Variants in TENM4 observed in about 807,000 individuals in gnomAD.
TENM4 encodes the protein teneurin transmembrane protein 4.
A neutral mutation model predicts 243.3 loss-of-function variants in TENM4; 82 were observed. The observed-to-expected ratio is 0.34, with a 90% CI of 0.28 to 0.40. The LOEUF is 0.40. Ranked by LOEUF, TENM4 falls within the 10% of genes least tolerant of loss-of-function variation. The pLI is 1.00. For missense variants in TENM4, 3,138 were observed against 3,673.3 expected, an observed-to-expected ratio of 0.85 and a Z score of 3.77; for synonymous variants, 1,412 against 1,456.3, an observed-to-expected ratio of 0.97 and a Z score of 0.69.
chr11:79,369,976 C>T (rs1857750312), intron 1 of TENM4, among the ~76,000 whole-genome samples: 2 of 152,162 alleles, frequency 1.3e-5, no homozygotes, highest in Admixed American at 6.5e-5. Context: ...CCTGGGTCTC[C>T]AGCCCACAAA....
At chr11:79,119,130 T>G (rs1861684224) in intron 4 of TENM4, among the ~76,000 whole-genome samples, 1 of 152,184 alleles carries the variant, frequency 6.6e-6, no homozygotes, top group Admixed American at 6.5e-5. Flanking sequence ...CCTCACTAAA[T>G]AGCAGTTCCC....
intron 9 of TENM4, among the ~76,000 whole-genome samples, chr11:78,884,124 C>G (rs946363922): frequency 6.6e-6 from 1 of 152,326 alleles, no homozygotes; most frequent in East Asian, 1.9e-4. Context: ...CACCCCAACC[C>G]TGTGAAGTAA....
At chr11:79,380,322 GA>G (rs747498641) in intron 1 of TENM4, among the ~76,000 whole-genome samples, 1 of 151,358 alleles carries the variant, frequency 6.6e-6, no homozygotes, top group African/African-American at 2.4e-5. Flanking sequence ...AAAAAAAAAA[GA>G]AGAGAGGAAG....
In TENM4 at chr11:78,656,385, A is replaced by G. The variant is rs1353577764; in HGVS notation, c.*1673T>C. On this transcript the variant is annotated 3_prime_UTR_variant, in exon 34 of 34. Coordinates refer to ENST00000278550, the MANE Select transcript of TENM4 (RefSeq NM_001098816.3). The stretch of plus-strand genomic sequence containing the variant: ...AAGGAAGCATTTGGCTTCCCCTCCC[A>G]TCTCCCAGAGCCTCCTGTGAGTGGT... 6.6e-6 allele frequency: 1 copy of G among 152,186 alleles called. No individual in the cohort carries two copies. The highest frequency in any genetic ancestry group is 1.5e-5 in the Non-Finnish European group (1 of 68,028). The allele number at this position is 152,186 out of a possible 1,614,324, so 9.4% of individuals were successfully genotyped here.
intron 6 of TENM4, among the ~76,000 whole-genome samples, chr11:78,909,997 G>GGCA (rs1452285894): frequency 6.6e-6 from 1 of 152,184 alleles, no homozygotes. Context: ...CTAGACTGAT[G>GGCA]GCAGGGTGCC....
chr11:78,997,240 G>T (rs1858198599), intron 6 of TENM4, among the ~76,000 whole-genome samples: 1 of 152,174 alleles, frequency 6.6e-6, no homozygotes, highest in Admixed American at 6.5e-5. Context: ...GAGCAGTCCA[G>T]CGTGTTCTCT....
intron 6 of TENM4, among the ~76,000 whole-genome samples, chr11:78,962,472 A>T (rs776793332): frequency 7.9e-4 from 108 of 136,296 alleles, no homozygotes; most frequent in Non-Finnish European, 1.3e-3. Context: ...GGCTCCCAAC[A>T]CGGGGCGATC....
intron 6 of TENM4, among the ~76,000 whole-genome samples, chr11:79,057,835 T>A (rs11237702): frequency 6.6e-6 from 1 of 152,118 alleles, no homozygotes; most frequent in East Asian, 1.9e-4. Flanking sequence ...TAGCCTCATA[T>A]GACAAACCTT....
intron 3 of TENM4, among the ~76,000 whole-genome samples, chr11:79,185,489 C>G (rs1364666677): frequency 6.6e-6 from 1 of 152,154 alleles, no homozygotes; most frequent in Non-Finnish European, 1.5e-5. Context: ...TAACTGGGCC[C>G]AGTTAAATCA....
chr11:79,108,374 G>A lies in TENM4; in HGVS notation c.-65-38365C>T, dbSNP rs1487941450. On this transcript the variant is annotated intron_variant, in intron 4 of 33. Transcript: ENST00000278550. ...CTTCAAGACTGCAGCATCAACTCCC[G>A]CCTGAATTTCCAGGCTGCTGGCCTA... is the stretch of plus-strand genomic sequence containing the variant. 4.6e-5 allele frequency among the ~76,000 whole-genome samples: 7 copies of A among 152,258 alleles called. No homozygotes were observed. The East Asian group carries it at 5.8e-4, about 13-fold the overall frequency.
intron 6 of TENM4, among the ~76,000 whole-genome samples, chr11:78,954,024 T>A (rs1183334303): frequency 6.6e-6 from 1 of 152,170 alleles, no homozygotes; most frequent in Admixed American, 6.5e-5. Context: ...CAGAGGGAAT[T>A]TTTTTTAGTT....
At chr11:79,334,498 A>G (rs1857115572) in intron 1 of TENM4, among the ~76,000 whole-genome samples, 3 of 151,888 alleles carry the variant, frequency 2.0e-5, no homozygotes, top group African/African-American at 7.3e-5. Flanking sequence ...TCCTGCAAAA[A>G]CCTTTCCATG....
intron 3 of TENM4, among the ~76,000 whole-genome samples, chr11:79,207,980 A>G (rs1223206142): frequency 6.6e-6 from 1 of 151,982 alleles, no homozygotes; most frequent in African/African-American, 2.4e-5. Flanking sequence ...ATCACTAACT[A>G]GAGAGAGTCA....
intron 3 of TENM4, among the ~76,000 whole-genome samples, chr11:79,197,498 C>T (rs924390627): frequency 1.3e-5 from 2 of 152,140 alleles, no homozygotes; most frequent in Non-Finnish European, 2.9e-5. Context: ...CTGGATTGAA[C>T]CAGGTCCATC....
intron 10 of TENM4, among the ~76,000 whole-genome samples, chr11:78,859,967 G>C (rs116501459): frequency 6.6e-6 from 1 of 152,102 alleles, no homozygotes; most frequent in Non-Finnish European, 1.5e-5. Context: ...GCTGTATTTG[G>C]TTTCTGTCCC....
chr11:79,358,026 T>A (rs1470539966), intron 1 of TENM4, among the ~76,000 whole-genome samples: 2 of 152,198 alleles, frequency 1.3e-5, no homozygotes, highest in African/African-American at 2.4e-5. Context: ...AACGTCGTAA[T>A]TACCATGCCC....
At chr11:78,866,555 C>T (rs1858981388) in intron 9 of TENM4, among the ~76,000 whole-genome samples, 1 of 150,840 alleles carries the variant, frequency 6.6e-6, no homozygotes, top group Non-Finnish European at 1.5e-5. Flanking sequence ...GTCTGGGGTC[C>T]CAGGGAAGTT....
At chr11:79,325,628 G>A (rs1158736775) in intron 1 of TENM4, among the ~76,000 whole-genome samples, 1 of 152,174 alleles carries the variant, frequency 6.6e-6, no homozygotes, top group Admixed American at 6.5e-5. Flanking sequence ...TACTCGCTCA[G>A]GAAGGCATTT....
At chr11:79,182,189 C>A (rs949407634) in intron 3 of TENM4, among the ~76,000 whole-genome samples, 1 of 152,106 alleles carries the variant, frequency 6.6e-6, no homozygotes, top group South Asian at 2.1e-4. Context: ...AACTTCCAGA[C>A]TTACTATAAA....
Sources: gnomAD v4.1 joint callset for allele counts (sites outside exome capture counted in the v4.1 genomes callset) on GRCh38, gnomAD v4.1.1 for gene constraint, MANE v1.5 for transcripts, NCBI Gene and HGNC (gene_info 2026-07-23, HGNC 2026-07-21) for gene names.